FBLN1: variants seen among roughly 807,000 people sequenced by gnomAD.
The protein encoded by FBLN1 is fibulin 1.
In FBLN1, 34 loss-of-function variants were observed where a neutral mutation model predicts 89.7. The ratio of observed to expected loss-of-function variants is 0.38; its 90% CI spans 0.29 to 0.50. The LOEUF (loss-of-function observed/expected upper bound fraction) is 0.50, where lower values mean the gene tolerates loss of function less well. Among genes scored for constraint, FBLN1 ranks in the 20% least tolerant of loss-of-function variants. The probability of loss-of-function intolerance (pLI) is 0.92; values close to 1 mark genes in which losing one functional copy is unlikely to be tolerated. For missense variants in FBLN1, 777 were observed against 988.1 expected, an observed-to-expected ratio of 0.79 and a Z score of 2.86; for synonymous variants, 393 against 391.3, an observed-to-expected ratio of 1.00 and a Z score of -0.05.
chr22:45,505,852 A>C (rs1191045255), intron 1 of FBLN1, among the ~76,000 whole-genome samples: 2 of 151,968 alleles, frequency 1.3e-5, no homozygotes, highest in Non-Finnish European at 2.9e-5. Flanking sequence ...ACTCACTGCA[A>C]CCTCCGCCTC....
At chr22:45,559,297 A>G (rs915270243) in intron 14 of FBLN1, among the ~76,000 whole-genome samples, 1 of 152,252 alleles carries the variant, frequency 6.6e-6, no homozygotes, top group East Asian at 1.9e-4. Flanking sequence ...CCGTTCACCA[A>G]GATCCATCTG....
chr22:45,542,107 A>C, intron 9 of FBLN1, 48 bp from the exon 10 acceptor site: 1 of 1,613,764 alleles, frequency 6.2e-7, no homozygotes. Flanking sequence ...TGGGGGGAAA[A>C]AACCCAAACT....
At chr22:45,507,466 A>G (rs2088037599) in intron 1 of FBLN1, among the ~76,000 whole-genome samples, 1 of 152,152 alleles carries the variant, frequency 6.6e-6, no homozygotes, top group Non-Finnish European at 1.5e-5. Flanking sequence ...TTAGTAACCA[A>G]TGTCGTCATC....
rs1451590335 is a variant in FBLN1 at position 45,575,427 on chromosome 22, G to A, written c.1840+774G>A. On this transcript the variant is annotated intron_variant, in intron 15 of 16. Coordinates refer to ENST00000327858, the MANE Select transcript of FBLN1 (RefSeq NM_006486.3). This position sits in a 1 kb window ranked among gnomAD's most constrained non-coding sequence, Gnocchi z 6.3. ...AACTGAGCCAAGGTTTTCTGCTGGA[G>A]CGCTAGAGGCTTGGCAAGAGGTGGG... Among the ~76,000 whole-genome samples, 2 of 152,142 alleles carry A rather than the reference G, an allele frequency of 1.3e-5. No individual in the cohort carries two copies. The highest frequency in any genetic ancestry group is 2.9e-5 in the Non-Finnish European group (2 of 68,016).
intron 3 of FBLN1, among the ~76,000 whole-genome samples, chr22:45,527,400 A>C (rs1464743112): frequency 6.6e-6 from 1 of 152,094 alleles, no homozygotes; most frequent in Non-Finnish European, 1.5e-5. Flanking sequence ...CTAACTCAAA[A>C]ACGGAGAGGC....
At position 45,588,335 on chromosome 22, in the gene FBLN1, T is replaced by G. The variant is rs5765516; in HGVS notation, c.1972+11227T>G. Among the ~76,000 whole-genome samples, 58,790 of 151,982 alleles carry G rather than the reference T, an allele frequency of 0.39. 12,495 individuals carry two copies. The highest frequency in any genetic ancestry group is 0.53 in the Admixed American group (8,139 of 15,286). On this transcript the variant is annotated intron_variant, in intron 16 of 16. Coordinates refer to ENST00000327858, the MANE Select transcript of FBLN1 (RefSeq NM_006486.3). This position sits in a 1 kb window ranked among gnomAD's most constrained non-coding sequence, Gnocchi z 5.1. ...AAAGTCTGTCGTGAACCAGAGCAGA[T>G]AAATGCTTGTGCTGGGGGGAGGGGT...
At chr22:45,569,927 A>G (rs186877224) in intron 14 of FBLN1, among the ~76,000 whole-genome samples, 154 of 152,354 alleles carry the variant, frequency 1.0e-3, no homozygotes, top group Non-Finnish European at 2.1e-4. Context: ...ACAGAATGAT[A>G]TCCCTCTGGG....
intron 16 of FBLN1, among the ~76,000 whole-genome samples, chr22:45,585,607 G>A (rs1413339796): frequency 2.6e-5 from 4 of 152,126 alleles, no homozygotes; most frequent in Non-Finnish European, 4.4e-5. Flanking sequence ...CTGTCACCCC[G>A]GGGGCCACAC....
rs951851432 is a variant in FBLN1, at chr22:45,530,699, T to C, written c.485-566T>C. 6.6e-6 allele frequency among the ~76,000 whole-genome samples: 1 copy of C among 152,202 alleles called. No homozygotes were observed. Among genetic ancestry groups the C allele is most frequent in the African/African-American group, 2.4e-5 (1 of 41,446 alleles). ...TGAGATGGTCAAGTAATTTGGACTA[T>C]GGGAATATCACCCAGCATGAAGTCA... On this transcript the variant is annotated intron_variant, in intron 4 of 16. Transcript: ENST00000327858. This position sits in a 1 kb window ranked among gnomAD's most constrained non-coding sequence, Gnocchi z 5.4.
intron 16 of FBLN1, among the ~76,000 whole-genome samples, chr22:45,594,970 A>T (rs1055635461): frequency 2.6e-5 from 4 of 152,184 alleles, no homozygotes; most frequent in African/African-American, 7.2e-5. Context: ...TTCTGCAGGC[A>T]TTTATTTGGC....
Position 45,561,403 on chromosome 22 carries a change from A to G in FBLN1, c.1697+10788A>G, listed in dbSNP as rs1318495045. On this transcript the variant is annotated intron_variant, in intron 14 of 16. Transcript: ENST00000327858. The surrounding 1 kb of genome is among the most constrained non-coding windows in gnomAD (Gnocchi z 4.7). Reference sequence around the variant, plus strand: ...TTAGGAGCAACCAACCAGCTTCATTATGTTCCTTGGTTCTCCACATATGAT... The same window carrying G: ...TTAGGAGCAACCAACCAGCTTCATTGTGTTCCTTGGTTCTCCACATATGAT... Among the ~76,000 whole-genome samples, 1 of 152,214 alleles carries G rather than the reference A, an allele frequency of 6.6e-6. No individual in the cohort carries two copies.
At chr22:45,587,775 C>T (rs2089100908) in intron 16 of FBLN1, among the ~76,000 whole-genome samples, 1 of 152,324 alleles carries the variant, frequency 6.6e-6, no homozygotes, top group African/African-American at 2.4e-5. Flanking sequence ...GGACTGTAGC[C>T]GTGACATTCA....
At chr22:45,514,676 C>G (rs927212547) in intron 1 of FBLN1, among the ~76,000 whole-genome samples, 2 of 152,180 alleles carry the variant, frequency 1.3e-5, no homozygotes, top group Non-Finnish European at 2.9e-5. Context: ...AGTGGTCTTG[C>G]AGATCGGGCC....
intron 14 of FBLN1, among the ~76,000 whole-genome samples, chr22:45,551,644 T>A (rs1275214112): frequency 6.6e-6 from 1 of 152,248 alleles, no homozygotes; most frequent in Non-Finnish European, 1.5e-5. Flanking sequence ...TCTTGTTTCC[T>A]TCCTGAGCTT....
chr22:45,534,558 T>G (rs531026107), intron 7 of FBLN1, among the ~76,000 whole-genome samples: 1 of 152,316 alleles, frequency 6.6e-6, no homozygotes, highest in East Asian at 1.9e-4. Flanking sequence ...CAAATCCACT[T>G]GTGTAAAAAT....
rs376494318 is a variant in FBLN1 at position 45,597,471 on chromosome 22, C to A, written c.1973-2836C>A. On this transcript the variant is annotated intron_variant, in intron 16 of 16. Coordinates refer to ENST00000327858, the MANE Select transcript of FBLN1 (RefSeq NM_006486.3). The surrounding 1 kb of genome is among the most constrained non-coding windows in gnomAD (Gnocchi z 4.2). The stretch of plus-strand genomic sequence containing the variant: ...TAGTACCAGTAAAGTTGGCAGGTCA[C>A]TGTGGCTAGCGGGGGCACCATTGTT... Among the ~76,000 whole-genome samples the A allele has an allele frequency of 6.6e-6, 1 of 152,168 alleles. No individual in the cohort carries two copies. The highest frequency in any genetic ancestry group is 2.4e-5 in the African/African-American group (1 of 41,434).
At chr22:45,521,004 C>T (rs1325061248) in intron 2 of FBLN1, among the ~76,000 whole-genome samples, 3 of 152,014 alleles carry the variant, frequency 2.0e-5, no homozygotes, top group African/African-American at 7.2e-5. Context: ...TTAGTAGAGA[C>T]AGAGTTTCAC....
At chr22:45,547,389 T>G (rs940533714) in intron 12 of FBLN1, among the ~76,000 whole-genome samples, 185 bp downstream of exon 12, 4 of 86,364 alleles carry the variant, frequency 4.6e-5, no homozygotes, top group Non-Finnish European at 9.9e-5. Flanking sequence ...AACTGAGGTT[T>G]TTTTTTTTTT....
chr22:45,518,127 CAAAA>C (rs136717), intron 1 of FBLN1, among the ~76,000 whole-genome samples: 1 of 122,686 alleles, frequency 8.2e-6, no homozygotes, highest in Non-Finnish European at 1.7e-5. Context: ...GACTCTGTCT[CAAAA>C]AAAAAAAAAA....
Sources: gnomAD v4.1 joint callset for allele counts (sites outside exome capture counted in the v4.1 genomes callset) on GRCh38, gnomAD v4.1.1 for gene constraint, Gnocchi (gnomAD v3.1) non-coding constraint, MANE v1.5 for transcripts, NCBI Gene and HGNC (gene_info 2026-07-23, HGNC 2026-07-21) for gene names.